Variants in TXNDC16 observed in about 807,000 individuals in gnomAD.
TXNDC16 encodes thioredoxin domain containing 16, also known as thioredoxin domain-containing protein 16.
A neutral mutation model predicts 85.6 loss-of-function variants in TXNDC16; 74 were observed. The observed-to-expected ratio is 0.86, with a 90% CI of 0.72 to 1.05. TXNDC16 has a LOEUF of 1.05. Among genes scored for constraint, TXNDC16 ranks in the 50% least tolerant of loss-of-function variants. The pLI, the probability that TXNDC16 is intolerant of heterozygous loss-of-function variation, is 0.00. For missense variants in TXNDC16, 959 were observed against 947.0 expected, an observed-to-expected ratio of 1.01 and a Z score of -0.17; for synonymous variants, 335 against 326.5, an observed-to-expected ratio of 1.03 and a Z score of -0.28.
At chr14:52,444,987 AAAATTAAAATGTG>A (rs1418261866) in intron 18 of TXNDC16, among the ~76,000 whole-genome samples, 1 of 152,192 alleles carries the variant, frequency 6.6e-6, no homozygotes, top group Non-Finnish European at 1.5e-5. Flanking sequence ...GCAGATGTTA[AAAATTAAAATGTG>A]TATCTATAGT....
chr14:52,465,903 T>A (rs2035762180), intron 16 of TXNDC16, among the ~76,000 whole-genome samples: 1 of 152,056 alleles, frequency 6.6e-6, no homozygotes, highest in South Asian at 2.1e-4. Context: ...TTGAATTGCA[T>A]CAAAAATAAG....
chr14:52,441,023 G>A (rs911841885), intron 18 of TXNDC16, among the ~76,000 whole-genome samples: 3 of 152,128 alleles, frequency 2.0e-5, no homozygotes, highest in Non-Finnish European at 2.9e-5. Flanking sequence ...TTATGCTAAA[G>A]TCTGGACCAG....
chr14:52,520,609 C>G (rs1163654517), intron 6 of TXNDC16, among the ~76,000 whole-genome samples: 1 of 151,930 alleles, frequency 6.6e-6, no homozygotes, highest in Non-Finnish European at 1.5e-5. Flanking sequence ...GATTCTGTCT[C>G]AAAAACATGA....
intron 7 of TXNDC16, among the ~76,000 whole-genome samples, chr14:52,515,669 A>ATGTATG: frequency 6.9e-6 from 1 of 144,348 alleles, no homozygotes; most frequent in East Asian, 2.0e-4. Flanking sequence ...TTTCATACAT[A>ATGTATG]TGTGTGTGTG....
At chr14:52,466,740 T>A (rs10148210) in intron 16 of TXNDC16, among the ~76,000 whole-genome samples, 58 of 151,358 alleles carry the variant, frequency 3.8e-4, no homozygotes, top group African/African-American at 2.9e-4. Context: ...GGTGGCAGGC[T>A]CCTGTAGTCC....
At chr14:52,520,427 C>T (rs1297746274) in intron 6 of TXNDC16, among the ~76,000 whole-genome samples, 1 of 151,884 alleles carries the variant, frequency 6.6e-6, no homozygotes. Flanking sequence ...ATCAAGACCA[C>T]GGTGAAACCC....
At chr14:52,494,970 A>G (rs1002745792) in intron 9 of TXNDC16, among the ~76,000 whole-genome samples, 9 of 152,198 alleles carry the variant, frequency 5.9e-5, no homozygotes, top group East Asian at 1.9e-4. Context: ...ACAGTTAGAC[A>G]TATGGGTGGG....
chr14:52,436,151 G>A (rs73304857), intron 20 of TXNDC16, among the ~76,000 whole-genome samples: 2,313 of 152,080 alleles, frequency 0.015, 50 homozygotes, highest in African/African-American at 0.052. Flanking sequence ...ATTCATAATC[G>A]CCATAAGTAA....
At chr14:52,457,223 A>G (rs747817392) in intron 16 of TXNDC16, 49 bp from the exon 17 acceptor site, 2 of 1,075,212 alleles carry the variant, frequency 1.9e-6, no homozygotes, top group Admixed American at 2.5e-5. Context: ...ATAATTATGT[A>G]TGCTATTCAA....
intron 7 of TXNDC16, among the ~76,000 whole-genome samples, 160 bp from the exon 8 acceptor site, chr14:52,515,130 A>AAATT (rs2037051374): frequency 6.6e-6 from 1 of 152,200 alleles, no homozygotes; most frequent in African/African-American, 2.4e-5. Flanking sequence ...CAGGCAGTTA[A>AAATT]AAGAAGTTAT....
Position 52,475,372 on chromosome 14 carries a change from A to C in TXNDC16, c.1313-4692T>G, listed in dbSNP as rs1594709904. ...AGCGTGCAGACTCCACAGGCTGGGG[A>C]AGAAAGAAAGCCCTACTTATTTTTG... On this transcript the variant is annotated intron_variant, in intron 14 of 20. Coordinates refer to ENST00000281741, the MANE Select transcript of TXNDC16 (RefSeq NM_020784.3). Among the ~76,000 whole-genome samples the C allele has an allele frequency of 1.3e-5, 2 of 152,180 alleles. 1 individual carries two copies. Among genetic ancestry groups the C allele is most frequent in the South Asian group, 4.1e-4 (2 of 4,824 alleles).
chr14:52,511,363 G>T lies in TXNDC16; in HGVS notation c.633C>A (p.Leu211=). Residue 211 remains leucine, a synonymous_variant, in exon 9 of 21, where the codon CTC becomes CTA. Coordinates refer to ENST00000281741, the MANE Select transcript of TXNDC16 (RefSeq NM_020784.3). ...AGACTAGTTTACAATGAAAAAAGTA[G>T]AGATGTGCATATTCCACATCCTCAG... is the stretch of plus-strand genomic sequence containing the variant. ...IGSEDVEYAH[L]YFFHCKLVLD... The T allele has an allele frequency of 6.2e-7, 1 of 1,601,816 alleles. No homozygotes were observed. Among genetic ancestry groups the T allele is most frequent in the East Asian group, 2.2e-5 (1 of 44,648 alleles).
chr14:52,459,022 TATATATGCCAAA>T (rs2035595942), intron 16 of TXNDC16, among the ~76,000 whole-genome samples: 1 of 152,184 alleles, frequency 6.6e-6, no homozygotes, highest in Non-Finnish European at 1.5e-5. Flanking sequence ...GTAAAAACTG[TATATATGCCAAA>T]ATATATGGCA....
At chr14:52,546,634 C>G (rs1438313050) in intron 1 of TXNDC16, among the ~76,000 whole-genome samples, 1 of 152,200 alleles carries the variant, frequency 6.6e-6, no homozygotes, top group East Asian at 1.9e-4. Flanking sequence ...ATTCTGTGAG[C>G]ATGAGCATAA....
intron 4 of TXNDC16, among the ~76,000 whole-genome samples, chr14:52,540,651 T>A (rs192677688): frequency 4.1e-4 from 62 of 152,180 alleles, no homozygotes; most frequent in African/African-American, 1.3e-3. Context: ...AAAACTTCTA[T>A]GGCACTTTAT....
chr14:52,533,370 A>T (rs2037627162), intron 6 of TXNDC16, among the ~76,000 whole-genome samples: 1 of 152,172 alleles, frequency 6.6e-6, no homozygotes, highest in South Asian at 2.1e-4. Context: ...CCTCCTAAGC[A>T]TTAAAAAGAA....
chr14:52,532,412 G>A (rs983453023), intron 6 of TXNDC16, among the ~76,000 whole-genome samples: 1 of 151,970 alleles, frequency 6.6e-6, no homozygotes, highest in Non-Finnish European at 1.5e-5. Flanking sequence ...TTTAAAAATG[G>A]ACAAAAGTTG....
Position 52,507,619 on chromosome 14 carries a change from G to C in TXNDC16, c.756+3621C>G, listed in dbSNP as rs571570510. Among the ~76,000 whole-genome samples the C allele has an allele frequency of 1.4e-4, 22 of 152,234 alleles. No homozygotes were observed. The East Asian group carries it at 3.5e-3, about 24-fold the overall frequency. On this transcript the variant is annotated intron_variant, in intron 9 of 20. Coordinates refer to ENST00000281741, the MANE Select transcript of TXNDC16 (RefSeq NM_020784.3). ...CCACATTGCCAAGTCAATCCTAAGTGAAAAGAACAAAGCTGGAGGCATCAT... is the reference window on the plus strand; with the variant it reads ...CCACATTGCCAAGTCAATCCTAAGTCAAAAGAACAAAGCTGGAGGCATCAT...
chr14:52,547,676 ACAGTT>A (rs1306360783), intron 1 of TXNDC16, among the ~76,000 whole-genome samples: 1 of 152,158 alleles, frequency 6.6e-6, no homozygotes, highest in African/African-American at 2.4e-5. Flanking sequence ...AGGAATACTT[ACAGTT>A]ATCTCTCCCA....
Sources: allele counts gnomAD v4.1 joint callset (sites outside exome capture counted in the v4.1 genomes callset), GRCh38; gene constraint gnomAD v4.1.1; transcripts MANE v1.5; gene names NCBI Gene and HGNC (gene_info 2026-07-23, HGNC 2026-07-21).